Variants in LEKR1 observed in about 807,000 individuals in gnomAD.
The protein encoded by LEKR1 is leucine, glutamate and lysine rich 1.
A neutral mutation model predicts 72.4 loss-of-function variants in LEKR1; 59 were observed. That is an observed-to-expected ratio of 0.82 (90% CI 0.66 to 1.01). LEKR1 has a LOEUF of 1.01. LEKR1 is among the 50% of genes least tolerant of loss of function. The probability of loss-of-function intolerance (pLI) is 0.00; values close to 1 mark genes in which losing one functional copy is unlikely to be tolerated. For synonymous variants in LEKR1, 257 were observed against 263.2 expected (o/e 0.98, Z 0.23); for missense variants, 728 against 759.2 (o/e 0.96, Z 0.48).
At chr3:157,007,665 A>G (rs1381761869) in intron 9 of LEKR1, among the ~76,000 whole-genome samples, 1 of 152,222 alleles carries the variant, frequency 6.6e-6, no homozygotes, top group African/African-American at 2.4e-5. Context: ...AAGAGATTCT[A>G]TGTTTTGGCT....
intron 3 of LEKR1, among the ~76,000 whole-genome samples, chr3:156,886,813 T>C (rs1720147334): frequency 6.6e-6 from 1 of 152,262 alleles, no homozygotes; most frequent in African/African-American, 2.4e-5. Flanking sequence ...CGCAGCGTGC[T>C]GCTTCCTTCA....
chr3:156,899,272 A>ATGTG (rs960694557), intron 3 of LEKR1, among the ~76,000 whole-genome samples: 1 of 146,332 alleles, frequency 6.8e-6, no homozygotes, highest in South Asian at 2.1e-4. Flanking sequence ...ATATACACAC[A>ATGTG]TGTATATATA....
intron 9 of LEKR1, among the ~76,000 whole-genome samples, chr3:157,005,545 T>C (rs1732357011): frequency 6.6e-6 from 1 of 151,964 alleles, no homozygotes; most frequent in African/African-American, 2.4e-5. Flanking sequence ...GATACAAAAA[T>C]TCTAAACAAA....
chr3:156,890,842 T>A (rs1451205652), intron 3 of LEKR1, among the ~76,000 whole-genome samples: 1 of 151,868 alleles, frequency 6.6e-6, no homozygotes, highest in Non-Finnish European at 1.5e-5. Flanking sequence ...GCCAGTTGTT[T>A]TTTTTCTAAA....
At chr3:156,881,897 G>A (rs1380982978) in intron 3 of LEKR1, among the ~76,000 whole-genome samples, 1 of 148,160 alleles carries the variant, frequency 6.7e-6, no homozygotes, top group Non-Finnish European at 1.5e-5. Context: ...ACAAGCAATG[G>A]GGAAAGGATT....
intron 6 of LEKR1, among the ~76,000 whole-genome samples, chr3:156,943,915 G>A (rs2107970058): frequency 1.3e-5 from 2 of 151,608 alleles, no homozygotes; most frequent in East Asian, 3.9e-4. Flanking sequence ...TCTTTCCTGA[G>A]AACTACCTAC....
At position 156,998,576 on chromosome 3, in the gene LEKR1, A is replaced by AGAG. The variant is rs535333654; in HGVS notation, c.1109+5302_1109+5304dup. On this transcript the variant is annotated intron_variant, in intron 9 of 12. Coordinates refer to ENST00000356539, the MANE Select transcript of LEKR1 (RefSeq NM_001004316.3). ...GATGGGAACAATGAAGAATGTTGTTAGAGGAAAAGCTTAATCGTAATTAAA... is the reference window on the plus strand; with the variant it reads ...GATGGGAACAATGAAGAATGTTGTTAGAGGAGGAAAAGCTTAATCGTAATTAAA... 5.6e-3 allele frequency among the ~76,000 whole-genome samples: 860 copies of AGAG among 152,338 alleles called. 4 individuals carry two copies. Among genetic ancestry groups the AGAG allele is most frequent in the African/African-American group, 0.019 (809 of 41,576 alleles).
chr3:157,011,174 T>C (rs1732856809), intron 9 of LEKR1, among the ~76,000 whole-genome samples: 1 of 152,120 alleles, frequency 6.6e-6, no homozygotes, highest in Non-Finnish European at 1.5e-5. Flanking sequence ...ATTGCCAAAA[T>C]AATATCTTAT....
intron 3 of LEKR1, among the ~76,000 whole-genome samples, chr3:156,909,498 A>G (rs928901576): frequency 6.6e-6 from 1 of 151,996 alleles, no homozygotes; most frequent in Admixed American, 6.6e-5. Flanking sequence ...AAAAATACAA[A>G]AATTTAGCTG....
At chr3:157,003,282 C>G (rs767767321) in intron 9 of LEKR1, among the ~76,000 whole-genome samples, 2 of 152,194 alleles carry the variant, frequency 1.3e-5, no homozygotes, top group Non-Finnish European at 2.9e-5. Flanking sequence ...TTAGCTTGAT[C>G]AAGTTACTAT....
intron 9 of LEKR1, among the ~76,000 whole-genome samples, chr3:156,995,760 A>T (rs1218507459): frequency 3.9e-5 from 6 of 152,176 alleles, no homozygotes; most frequent in Admixed American, 3.9e-4. Flanking sequence ...TGAACCTGGG[A>T]GGCAAAGATT....
At chr3:156,899,713 CATATATACATGCATATATACACAT>C (rs1721788529) in intron 3 of LEKR1, among the ~76,000 whole-genome samples, 2 of 124,996 alleles carry the variant, frequency 1.6e-5, no homozygotes, top group Non-Finnish European at 3.4e-5. Context: ...CATATATACA[CATATATACATGCATATATACACAT>C]ATATACATGC....
chr3:156,943,929 T>C (rs1006129334), intron 6 of LEKR1, among the ~76,000 whole-genome samples: 8 of 151,810 alleles, frequency 5.3e-5, no homozygotes, highest in Admixed American at 6.6e-5. Context: ...TACCTACTCA[T>C]AGATTCTGGA....
At chr3:156,977,326 G>A (rs893957750) in intron 6 of LEKR1, among the ~76,000 whole-genome samples, 2 of 152,116 alleles carry the variant, frequency 1.3e-5, no homozygotes, top group African/African-American at 4.8e-5. Context: ...TCAAATAGTA[G>A]CATGCAAGTA....
intron 6 of LEKR1, among the ~76,000 whole-genome samples, chr3:156,947,056 T>C (rs1726748496): frequency 6.6e-6 from 1 of 151,182 alleles, no homozygotes; most frequent in Admixed American, 6.6e-5. Flanking sequence ...TTTTATCTTT[T>C]CAGGAGACCA....
At chr3:156,861,131 A>G (rs373577909) in intron 3 of LEKR1, among the ~76,000 whole-genome samples, 3 of 152,194 alleles carry the variant, frequency 2.0e-5, no homozygotes, top group Non-Finnish European at 4.4e-5. Flanking sequence ...AACAGACACT[A>G]TCAGGGCCTG....
chr3:156,874,736 A>C (rs62275185), intron 3 of LEKR1, among the ~76,000 whole-genome samples: 4,845 of 152,162 alleles, frequency 0.032, 117 homozygotes, highest in Non-Finnish European at 0.047. Flanking sequence ...TATTCTTATG[A>C]CTTTGTATCA....
intron 3 of LEKR1, among the ~76,000 whole-genome samples, chr3:156,868,775 A>G (rs1279958559): frequency 1.3e-5 from 2 of 152,146 alleles, no homozygotes; most frequent in East Asian, 1.9e-4. Flanking sequence ...GCTATCAAAC[A>G]TTGAAACTTA....
In LEKR1 at chr3:156,992,621, A is replaced by G. The variant is rs1731225483; in HGVS notation, c.828-32A>G. The G allele has an allele frequency of 9.5e-6, 4 of 421,916 alleles. No individual in the cohort carries two copies. In the South Asian group the frequency reaches 1.2e-4, roughly 12 times the overall value. The allele number at this position is 421,916 out of a possible 1,614,324, so 26.1% of individuals were successfully genotyped here. A position where few individuals can be genotyped will look rare whatever the true frequency, so the allele number is the denominator to read the frequency against. ...AAAAACATATACTTTATTTTGAAAT[A>G]ATATATTTTAACTTCTTTTGTATTA... On this transcript the variant is annotated intron_variant, in intron 7 of 12. Coordinates refer to ENST00000356539, the MANE Select transcript of LEKR1 (RefSeq NM_001004316.3).
Sources: allele counts gnomAD v4.1 joint callset (sites outside exome capture counted in the v4.1 genomes callset), GRCh38; gene constraint gnomAD v4.1.1; transcripts MANE v1.5; gene names NCBI Gene and HGNC (gene_info 2026-07-23, HGNC 2026-07-21).